The following RGS6 variants were observed in gnomAD, a reference collection of about 807,000 sequenced individuals.
RGS6 encodes regulator of G protein signaling 6, also known as regulator of G-protein signaling 6.
Under a neutral mutation model 78.5 loss-of-function variants are expected in RGS6, and 30 were observed. That is an observed-to-expected ratio of 0.38 (90% confidence interval 0.29 to 0.52). The LOEUF is 0.52. Among genes scored for constraint, RGS6 ranks in the 20% least tolerant of loss-of-function variants. The probability of loss-of-function intolerance (pLI) is 0.85; values close to 1 mark genes in which losing one functional copy is unlikely to be tolerated. For synonymous variants in RGS6, 206 were observed against 206.0 expected (o/e 1.00, Z 0.00); for missense variants, 495 against 609.7 (o/e 0.81, Z 1.98).
At chr14:72,513,037 C>A (rs777898590) in intron 14 of RGS6, among the ~76,000 whole-genome samples, 7 of 152,200 alleles carry the variant, frequency 4.6e-5, no homozygotes, top group Non-Finnish European at 8.8e-5. Flanking sequence ...CCCTTCTCCG[C>A]AGGATTGGTG....
chr14:72,498,733 G>T (rs775181203), intron 13 of RGS6, among the ~76,000 whole-genome samples: 2 of 152,108 alleles, frequency 1.3e-5, no homozygotes, highest in Non-Finnish European at 2.9e-5. Flanking sequence ...AAAAATACAC[G>T]CATACTGGGG....
chr14:71,958,478 A>G (rs749149506), intron 1 of RGS6, among the ~76,000 whole-genome samples: 12 of 152,202 alleles, frequency 7.9e-5, no homozygotes, highest in Non-Finnish European at 1.5e-4. Context: ...CTGCAGAGTG[A>G]TTAGCATTTG....
chr14:72,451,948 C>T (rs1309915970), intron 3 of RGS6, among the ~76,000 whole-genome samples: 1 of 152,096 alleles, frequency 6.6e-6, no homozygotes, highest in Non-Finnish European at 1.5e-5. Flanking sequence ...GACGGGGTTT[C>T]ACCATGTTGG....
In RGS6 at chr14:72,166,466, G is replaced by A. The variant is rs558514366; in HGVS notation, c.85-185629G>A. Among the ~76,000 whole-genome samples, 133 of 152,238 alleles carry A rather than the reference G, an allele frequency of 8.7e-4. No individual in the cohort carries two copies. The Middle Eastern group carries it at 0.017, about 19-fold the overall frequency. ...ACATTTATATGACAAAGAAAATAGGGAACTGTGTTGTTTCACATACTCAGG... is the reference window on the plus strand; with the variant it reads ...ACATTTATATGACAAAGAAAATAGGAAACTGTGTTGTTTCACATACTCAGG... On this transcript the variant is annotated intron_variant, in intron 2 of 17. Coordinates refer to ENST00000553525, the MANE Select transcript of RGS6 (RefSeq NM_001204424.2).
At chr14:72,395,376 G>C (rs982196771) in intron 3 of RGS6, among the ~76,000 whole-genome samples, 2 of 152,008 alleles carry the variant, frequency 1.3e-5, no homozygotes, top group African/African-American at 4.8e-5. Flanking sequence ...TGGCTGGCTA[G>C]ATAGACACAC....
intron 2 of RGS6, among the ~76,000 whole-genome samples, chr14:72,111,487 A>G (rs2095761207): frequency 6.6e-6 from 1 of 152,176 alleles, no homozygotes; most frequent in African/African-American, 2.4e-5. Context: ...CATCTAATAG[A>G]ATCTTAAATG....
intron 2 of RGS6, among the ~76,000 whole-genome samples, chr14:72,157,529 TCTC>T (rs1183553751): frequency 6.6e-6 from 1 of 152,188 alleles, no homozygotes; most frequent in African/African-American, 2.4e-5. Context: ...CAGGTTTCCT[TCTC>T]CACAATTCTG....
chr14:72,484,109 G>T (rs1297510140), intron 12 of RGS6, among the ~76,000 whole-genome samples: 5 of 152,146 alleles, frequency 3.3e-5, no homozygotes, highest in Non-Finnish European at 5.9e-5. Context: ...TCACAGTTCA[G>T]AAACTGCATG....
intron 2 of RGS6, among the ~76,000 whole-genome samples, chr14:72,089,541 C>A (rs937115907): frequency 1.3e-5 from 2 of 152,164 alleles, no homozygotes; most frequent in African/African-American, 4.8e-5. Context: ...TCTGCTCTAT[C>A]CAATTTGTGT....
intron 3 of RGS6, among the ~76,000 whole-genome samples, chr14:72,370,647 G>C (rs2083322337): frequency 6.6e-6 from 1 of 152,130 alleles, no homozygotes; most frequent in Non-Finnish European, 1.5e-5. Flanking sequence ...AGTGATTACT[G>C]TTTACCTCTA....
intron 2 of RGS6, among the ~76,000 whole-genome samples, chr14:72,320,670 C>A (rs2071695366): frequency 6.6e-6 from 1 of 151,492 alleles, no homozygotes; most frequent in Non-Finnish European, 1.5e-5. Flanking sequence ...AAAGGATTTT[C>A]AGTGAACACT....
chr14:71,874,719 C>A, the RGS6 span, among the ~76,000 whole-genome samples: 1 of 152,264 alleles, frequency 6.6e-6, no homozygotes, highest in Non-Finnish European at 1.5e-5. Context: ...CTGTCTTGTG[C>A]CAGTTTTCAA....
At chr14:72,105,735 G>A (rs925210937) in intron 2 of RGS6, among the ~76,000 whole-genome samples, 2 of 152,140 alleles carry the variant, frequency 1.3e-5, no homozygotes, top group Non-Finnish European at 2.9e-5. Flanking sequence ...GATTAGAAAC[G>A]CTTATTTAGT....
Position 72,501,223 on chromosome 14 carries a change from G to A in RGS6, c.965+5961G>A, listed in dbSNP as rs2238175. ...AGGTGGAGAATATACTGAGTCTGCC[G>A]TGGGGAGGTTACAGACAGCCAAATG... On this transcript the variant is annotated intron_variant, in intron 13 of 17. Transcript: ENST00000553525. Among the ~76,000 whole-genome samples the A allele has an allele frequency of 5.5e-4, 84 of 152,002 alleles. 1 individual carries two copies. Among genetic ancestry groups the A allele is most frequent in the Middle Eastern group, 3.4e-3 (1 of 294 alleles).
intron 2 of RGS6, among the ~76,000 whole-genome samples, chr14:72,037,603 T>G (rs1345363614): frequency 6.6e-6 from 1 of 152,224 alleles, no homozygotes; most frequent in Non-Finnish European, 1.5e-5. Context: ...TTCTTGCATT[T>G]AGATGTTTGA....
intron 2 of RGS6, among the ~76,000 whole-genome samples, chr14:71,995,719 G>A (rs886609837): frequency 1.3e-5 from 2 of 152,160 alleles, no homozygotes; most frequent in Admixed American, 6.5e-5. Context: ...AGAAAATCTT[G>A]TCACCCTTTA....
intron 1 of RGS6, among the ~76,000 whole-genome samples, chr14:71,948,319 T>C (rs780026121): frequency 3.9e-5 from 6 of 152,200 alleles, no homozygotes; most frequent in Non-Finnish European, 8.8e-5. Context: ...GTGTGTCTGA[T>C]AATGAGGCAT....
chr14:72,579,980 G>T, the RGS6 span, among the ~76,000 whole-genome samples: 1 of 152,264 alleles, frequency 6.6e-6, no homozygotes, highest in Middle Eastern at 3.4e-3. Flanking sequence ...CAACCCAGGG[G>T]GAATAATATC....
intron 2 of RGS6, among the ~76,000 whole-genome samples, chr14:72,224,068 C>T (rs373927885): frequency 8.5e-4 from 130 of 152,208 alleles, no homozygotes; most frequent in African/African-American, 3.0e-3. Flanking sequence ...GGATTTTTGC[C>T]GTCAACAGCT....
Sources: gnomAD v4.1 joint callset for allele counts (sites outside exome capture counted in the v4.1 genomes callset) on GRCh38, gnomAD v4.1.1 for gene constraint, MANE v1.5 for transcripts, NCBI Gene and HGNC (gene_info 2026-07-23, HGNC 2026-07-21) for gene names.